The following CADM1 variants were observed in gnomAD, a reference collection of about 807,000 sequenced individuals.
CADM1 encodes TSLC-1.
A neutral mutation model predicts 53.1 loss-of-function variants in CADM1; 15 were observed. That is an observed-to-expected ratio of 0.28 (90% CI 0.19 to 0.44). CADM1 has a LOEUF of 0.44. CADM1 is among the 20% of genes least tolerant of loss of function. The pLI is 1.00. For missense variants in CADM1, 434 were observed against 611.3 expected (o/e 0.71, Z 3.06); for synonymous variants, 281 against 243.0 (o/e 1.16, Z -1.45).
At chr11:115,351,259 C>T (rs1042819938) in intron 1 of CADM1, among the ~76,000 whole-genome samples, 8 of 152,194 alleles carry the variant, frequency 5.3e-5, no homozygotes, top group Admixed American at 1.3e-4. Context: ...TGGCTTTTCT[C>T]CTTCTTCTTC....
At chr11:115,359,393 G>C (rs140995474) in intron 1 of CADM1, among the ~76,000 whole-genome samples, 1 of 152,088 alleles carries the variant, frequency 6.6e-6, no homozygotes, top group Admixed American at 6.6e-5. Flanking sequence ...AAGATGAGAT[G>C]ATATTGCTCG....
intron 1 of CADM1, among the ~76,000 whole-genome samples, chr11:115,261,752 T>C (rs556329976): frequency 1.6e-4 from 25 of 152,300 alleles, no homozygotes; most frequent in African/African-American, 5.8e-4. Flanking sequence ...AAACATCTTT[T>C]TAACATCAAA....
intron 1 of CADM1, among the ~76,000 whole-genome samples, chr11:115,485,333 T>C (rs902953263): frequency 5.3e-5 from 8 of 152,216 alleles, no homozygotes; most frequent in African/African-American, 1.9e-4. Flanking sequence ...CTGCCTGTCT[T>C]CAGCACCTAA....
chr11:115,418,323 G>A (rs568351067), intron 1 of CADM1, among the ~76,000 whole-genome samples: 27 of 152,202 alleles, frequency 1.8e-4, no homozygotes, highest in African/African-American at 6.0e-4. Flanking sequence ...TAACAAGAAC[G>A]GCCAGTCTAC....
chr11:115,378,496 G>A (rs1161383966), intron 1 of CADM1, among the ~76,000 whole-genome samples: 6 of 152,000 alleles, frequency 3.9e-5, no homozygotes, highest in Non-Finnish European at 5.9e-5. Context: ...CATCAAAGAA[G>A]TATAAGTCAA....
chr11:115,458,433 G>A (rs10047420), intron 1 of CADM1, among the ~76,000 whole-genome samples: 79,521 of 150,906 alleles, frequency 0.53, 22,552 homozygotes, highest in East Asian at 0.79. Context: ...GACAATAAAT[G>A]TAAAATGTTT....
chr11:115,331,605 A>T (rs1945129655), intron 1 of CADM1, among the ~76,000 whole-genome samples: 1 of 152,204 alleles, frequency 6.6e-6, no homozygotes. Context: ...TGACAAAAAT[A>T]AAATAAATAA....
At chr11:115,182,331 C>T (rs1939351625) in intron 10 of CADM1, among the ~76,000 whole-genome samples, 1 of 152,166 alleles carries the variant, frequency 6.6e-6, no homozygotes, top group Non-Finnish European at 1.5e-5. Context: ...TTTTCTTGTT[C>T]CCTAAGAGGC....
chr11:115,416,303 T>C (rs1008908071), intron 1 of CADM1, among the ~76,000 whole-genome samples: 2 of 152,220 alleles, frequency 1.3e-5, no homozygotes, highest in African/African-American at 4.8e-5. Context: ...TTTCTTATAT[T>C]AAATCTCCAG....
chr11:115,182,104 G>A (rs1228829394), intron 10 of CADM1, among the ~76,000 whole-genome samples: 1 of 152,178 alleles, frequency 6.6e-6, no homozygotes, highest in African/African-American at 2.4e-5. Flanking sequence ...GCAGGGTGCA[G>A]ACCCCTTCTT....
intron 1 of CADM1, among the ~76,000 whole-genome samples, chr11:115,492,437 CAAT>C (rs1449711470): frequency 1.3e-5 from 2 of 152,014 alleles, no homozygotes; most frequent in African/African-American, 4.8e-5. Flanking sequence ...TATAAATCAA[CAAT>C]GATAGGAAAG....
intron 1 of CADM1, among the ~76,000 whole-genome samples, chr11:115,314,542 T>C (rs1367917573): frequency 6.6e-6 from 1 of 152,176 alleles, no homozygotes; most frequent in Non-Finnish European, 1.5e-5. Flanking sequence ...ACTAAGACTA[T>C]GCAGTATGAC....
At chr11:115,301,670 A>T (rs1289593228) in intron 1 of CADM1, among the ~76,000 whole-genome samples, 1 of 152,114 alleles carries the variant, frequency 6.6e-6, no homozygotes, top group East Asian at 1.9e-4. Context: ...CTAGGCTTAG[A>T]CAGAACTTAG....
At chr11:115,463,461 G>C (rs1948835996) in intron 1 of CADM1, among the ~76,000 whole-genome samples, 1 of 152,198 alleles carries the variant, frequency 6.6e-6, no homozygotes, top group Non-Finnish European at 1.5e-5. Context: ...TGATGTCACT[G>C]TGAGTTCTTT....
chr11:115,428,862 T>C (rs1378039675), intron 1 of CADM1, among the ~76,000 whole-genome samples: 1 of 152,178 alleles, frequency 6.6e-6, no homozygotes, highest in Non-Finnish European at 1.5e-5. Flanking sequence ...AACATCGTAC[T>C]ATGTTGCAAT....
intron 1 of CADM1, among the ~76,000 whole-genome samples, chr11:115,284,114 C>CTCTCTCTCTCTCTCTCTGTGTGTG (rs1351842329): frequency 1.2e-4 from 12 of 98,688 alleles, no homozygotes; most frequent in Non-Finnish European, 1.7e-4. Flanking sequence ...CTCTCTCTCT[C>CTCTCTCTCTCTCTCTCTGTGTGTG]TGTGTGTGTG....
rs1591571248 is a variant in CADM1, at chr11:115,172,610, C to T, written c.*3864G>A. The stretch of plus-strand genomic sequence containing the variant: ...GGGCACCCATGGCTCAGGGTCACTT[C>T]AAGTTTTCAGGTGATGTAACTGATG... On this transcript the variant is annotated 3_prime_UTR_variant, in exon 12 of 12. Coordinates refer to ENST00000331581, the MANE Select transcript of CADM1 (RefSeq NM_001301043.2). The T allele has an allele frequency of 6.6e-6, 1 of 152,150 alleles. No individual in the cohort carries two copies. The highest frequency in any genetic ancestry group is 2.4e-5 in the African/African-American group (1 of 41,410). The allele number at this position is 152,150 out of a possible 1,614,324, so 9.4% of individuals were successfully genotyped here.
chr11:115,261,421 T>C (rs944423388), intron 1 of CADM1, among the ~76,000 whole-genome samples: 5 of 152,162 alleles, frequency 3.3e-5, no homozygotes, highest in African/African-American at 1.2e-4. Context: ...ATAAAAATTA[T>C]ATAGTCATGG....
intron 1 of CADM1, chr11:115,399,563 C>T (rs983427506): frequency 6.6e-6 from 1 of 152,128 alleles, no homozygotes; most frequent in Non-Finnish European, 1.5e-5. Context: ...TAGACATTCA[C>T]CTCTCAGAAA....
Sources: gnomAD v4.1 joint callset for allele counts (sites outside exome capture counted in the v4.1 genomes callset) on GRCh38, gnomAD v4.1.1 for gene constraint, MANE v1.5 for transcripts, NCBI Gene and HGNC (gene_info 2026-07-23, HGNC 2026-07-21) for gene names.